TAS2R1: variants seen among roughly 807,000 people sequenced by gnomAD.
TAS2R1 encodes taste 2 receptor member 1, also known as taste receptor type 2 member 1.
For missense variants in TAS2R1, 370 were observed against 353.4 expected, an observed-to-expected ratio of 1.05 and a Z score of -0.38; for synonymous variants, 141 against 134.2, an observed-to-expected ratio of 1.05 and a Z score of -0.35.
the TAS2R1 span, among the ~76,000 whole-genome samples, chr5:9,821,093 C>T: frequency 6.6e-6 from 1 of 152,158 alleles, no homozygotes. Context: ...GATAGCAGTG[C>T]AGGCCAACAA....
the TAS2R1 span, among the ~76,000 whole-genome samples, chr5:9,796,859 C>T: frequency 1.3e-5 from 2 of 152,118 alleles, no homozygotes; most frequent in Non-Finnish European, 1.5e-5. Context: ...TTAAAAAGCC[C>T]TACTTCAAAC....
the TAS2R1 span, among the ~76,000 whole-genome samples, chr5:9,844,005 T>A: frequency 6.6e-6 from 1 of 152,232 alleles, no homozygotes; most frequent in African/African-American, 2.4e-5. Context: ...GCCCTCTTCA[T>A]CAAGCTAGCA....
the TAS2R1 span, among the ~76,000 whole-genome samples, chr5:9,890,638 G>C: frequency 7.9e-5 from 12 of 152,192 alleles, no homozygotes. Context: ...AAATCAGCAA[G>C]ACTGAAGCTC....
the TAS2R1 span, among the ~76,000 whole-genome samples, chr5:9,725,758 T>C: frequency 6.6e-6 from 1 of 152,226 alleles, no homozygotes; most frequent in South Asian, 2.1e-4. Context: ...GCAGCTCCAG[T>C]GCGGGATCCA....
chr5:9,807,722 G>A, the TAS2R1 span, among the ~76,000 whole-genome samples: 1 of 152,120 alleles, frequency 6.6e-6, no homozygotes, highest in Non-Finnish European at 1.5e-5. Context: ...CTATGAGGAA[G>A]CAAAGGCATA....
the TAS2R1 span, among the ~76,000 whole-genome samples, chr5:9,744,640 T>G: frequency 2.0e-5 from 3 of 152,188 alleles, no homozygotes; most frequent in Admixed American, 2.0e-4. Context: ...CAGAGTGGTG[T>G]CTGGTTTGTT....
chr5:9,825,468 T>G, the TAS2R1 span, among the ~76,000 whole-genome samples: 2 of 152,182 alleles, frequency 1.3e-5, no homozygotes, highest in African/African-American at 4.8e-5. Flanking sequence ...CCATGACACA[T>G]GGGAATTGTG....
the TAS2R1 span, among the ~76,000 whole-genome samples, chr5:9,861,248 G>A: frequency 3.7e-3 from 566 of 151,954 alleles, 4 homozygotes; most frequent in Non-Finnish European, 4.7e-3. Context: ...GCAGCTGGCC[G>A]TATTTCCCAC....
the TAS2R1 span, among the ~76,000 whole-genome samples, chr5:9,797,306 T>C: frequency 6.6e-6 from 1 of 152,264 alleles, no homozygotes; most frequent in Non-Finnish European, 1.5e-5. Context: ...ATGCACAGGA[T>C]AGCCCCCCAA....
the TAS2R1 span, among the ~76,000 whole-genome samples, chr5:9,873,813 G>A: frequency 2.7e-5 from 4 of 149,468 alleles, no homozygotes; most frequent in Non-Finnish European, 5.9e-5. Context: ...AGGTTGCAGT[G>A]AGCGGAGATT....
chr5:9,636,718 T>C (rs1739971005), intron 2 of TAS2R1, among the ~76,000 whole-genome samples: 1 of 152,144 alleles, frequency 6.6e-6, no homozygotes, highest in African/African-American at 2.4e-5. Context: ...TGCTTTAAAG[T>C]CTGTTTTGCC....
At chr5:9,739,569 C>T in the TAS2R1 span, among the ~76,000 whole-genome samples, 1 of 152,234 alleles carries the variant, frequency 6.6e-6, no homozygotes, top group East Asian at 1.9e-4. Flanking sequence ...TGGCAATACA[C>T]ACCATTATTA....
At chr5:9,784,673 C>A in the TAS2R1 span, among the ~76,000 whole-genome samples, 1 of 152,182 alleles carries the variant, frequency 6.6e-6, no homozygotes, top group Non-Finnish European at 1.5e-5. Flanking sequence ...TCAGGGTGTC[C>A]GCAGGGCCCC....
chr5:9,761,341 G>A, the TAS2R1 span, among the ~76,000 whole-genome samples: 1 of 151,314 alleles, frequency 6.6e-6, no homozygotes, highest in Non-Finnish European at 1.5e-5. Flanking sequence ...TGAACAGGAG[G>A]GAAGCTAGAC....
the TAS2R1 span, among the ~76,000 whole-genome samples, chr5:9,720,470 A>C: frequency 6.6e-6 from 1 of 152,242 alleles, no homozygotes; most frequent in African/African-American, 2.4e-5. Flanking sequence ...GCCAGGACTG[A>C]CCCACTGTCA....
the TAS2R1 span, among the ~76,000 whole-genome samples, chr5:9,808,953 G>T: frequency 3.3e-4 from 50 of 152,304 alleles, no homozygotes; most frequent in African/African-American, 1.1e-3. Context: ...TGAGAATGAT[G>T]CTGCCATCAT....
chr5:9,675,793 T>C (rs762788849), intron 1 of TAS2R1, among the ~76,000 whole-genome samples: 122 of 152,200 alleles, frequency 8.0e-4, no homozygotes, highest in Non-Finnish European at 1.6e-3. Context: ...GATCACGCCA[T>C]CTGCAAACAG....
chr5:9,772,861 C>G, the TAS2R1 span, among the ~76,000 whole-genome samples: 1 of 151,984 alleles, frequency 6.6e-6, no homozygotes, highest in South Asian at 2.1e-4. Flanking sequence ...TTTTTCCATC[C>G]CTTTATTTTC....
chr5:9,846,575 A>T, the TAS2R1 span, among the ~76,000 whole-genome samples: 1 of 152,184 alleles, frequency 6.6e-6, no homozygotes, highest in South Asian at 2.1e-4. Flanking sequence ...TCTCCTATTA[A>T]AAATATTCAA....
Sources: gnomAD v4.1 joint callset for allele counts (sites outside exome capture counted in the v4.1 genomes callset) on GRCh38, gnomAD v4.1.1 for gene constraint, MANE v1.5 for transcripts, NCBI Gene and HGNC (gene_info 2026-07-23, HGNC 2026-07-21) for gene names.